AP1B1: variants seen among roughly 807,000 people sequenced by gnomAD.
AP1B1 encodes the protein adaptor related protein complex 1 subunit beta 1, also known as AP-1 complex subunit beta-1.
In AP1B1, 36 loss-of-function variants were observed where a neutral mutation model predicts 104.3. The observed-to-expected ratio is 0.35, with a 90% CI of 0.26 to 0.46. The LOEUF (loss-of-function observed/expected upper bound fraction) is 0.46, where lower values mean the gene tolerates loss of function less well. Ranked by LOEUF, AP1B1 falls within the 20% of genes least tolerant of loss-of-function variation. The pLI, the probability that AP1B1 is intolerant of heterozygous loss-of-function variation, is 1.00. For synonymous variants in AP1B1, 504 were observed against 517.5 expected (o/e 0.97, Z 0.35); for missense variants, 901 against 1,247.9 (o/e 0.72, Z 4.19).
intron 9 of AP1B1, among the ~76,000 whole-genome samples, chr22:29,350,618 G>A (rs918137274): frequency 6.6e-6 from 1 of 152,170 alleles, no homozygotes; most frequent in African/African-American, 2.4e-5. Context: ...GGGTGAGCAC[G>A]CCTCAAGGGG....
At chr22:29,336,111 C>T (rs1244368314) in intron 16 of AP1B1, among the ~76,000 whole-genome samples, 1 of 152,230 alleles carries the variant, frequency 6.6e-6, no homozygotes, top group Non-Finnish European at 1.5e-5. Context: ...AACCAATGAA[C>T]TGTCACCACC....
intron 11 of AP1B1, among the ~76,000 whole-genome samples, chr22:29,346,149 G>A (rs114575095): frequency 1.1e-3 from 172 of 152,308 alleles, no homozygotes; most frequent in African/African-American, 3.9e-3. Flanking sequence ...TCAAGTAACT[G>A]TGCTCCAGGC....
Position 29,354,897 on chromosome 22 carries a change from C to CA in AP1B1, c.717-27dup, listed in dbSNP as rs755540298. ...CTGGGGTCCGTCCATTCCAACGGGG[C>CA]AAACAGGAAAGACAAGGGGAAACAT... On this transcript the variant is annotated intron_variant, in intron 6 of 22. Coordinates refer to ENST00000357586, the MANE Select transcript of AP1B1 (RefSeq NM_001127.4). 4 of 1,592,988 alleles carry CA rather than the reference C, an allele frequency of 2.5e-6. No individual in the cohort carries two copies. The South Asian group carries it at 4.4e-5, about 18-fold the overall frequency.
At chr22:29,351,444 A>T (rs760113928) in intron 8 of AP1B1, 178 bp from the exon 9 acceptor site, 8 of 871,380 alleles carry the variant, frequency 9.2e-6, no homozygotes, top group Middle Eastern at 2.2e-4. Flanking sequence ...AGGCCTGGAC[A>T]ACCTTGTTTG....
chr22:29,351,927 A>G, intron 7 of AP1B1, 102 bp from the exon 8 acceptor site: 1 of 1,449,530 alleles, frequency 6.9e-7, no homozygotes. Flanking sequence ...TCTGAGGTGG[A>G]GCCTGATGTC....
chr22:29,369,686 C>G lies in AP1B1; in HGVS notation c.-27-2416G>C, dbSNP rs5763168. ...TCCTCTTTCATGCCTGGCCCAGGCC[C>G]GGCACATAGCAAGTATTCAATTGAT... On this transcript the variant is annotated intron_variant, in intron 1 of 22. Transcript: ENST00000357586. Among the ~76,000 whole-genome samples the G allele has an allele frequency of 1.7e-3, 260 of 152,140 alleles. 5 individuals carry two copies. In the East Asian group the frequency reaches 0.037, roughly 21 times the overall value.
chr22:29,349,863 G>T (rs2061846809), intron 10 of AP1B1, among the ~76,000 whole-genome samples, 172 bp downstream of exon 10: 1 of 152,144 alleles, frequency 6.6e-6, no homozygotes, highest in South Asian at 2.1e-4. Context: ...ATTTTGGCCT[G>T]GGGAGTAGAG....
intron 1 of AP1B1, among the ~76,000 whole-genome samples, chr22:29,379,981 G>A (rs892872630): frequency 6.6e-6 from 1 of 152,164 alleles, no homozygotes; most frequent in Non-Finnish European, 1.5e-5. Context: ...TGTGAGCCCC[G>A]CTGCCTGGCT....
At chr22:29,332,715 TCAGAGTTTG>T (rs1467642931) in intron 17 of AP1B1, among the ~76,000 whole-genome samples, 1 of 152,118 alleles carries the variant, frequency 6.6e-6, no homozygotes, top group Non-Finnish European at 1.5e-5. Flanking sequence ...CTGCTGAGAA[TCAGAGTTTG>T]GGCTGTCTGA....
At chr22:29,337,167 G>T (rs2061650847) in intron 16 of AP1B1, among the ~76,000 whole-genome samples, 1 of 152,212 alleles carries the variant, frequency 6.6e-6, no homozygotes, top group South Asian at 2.1e-4. Flanking sequence ...TCATATAGGG[G>T]TCTGGAGCAG....
At chr22:29,362,602 C>G (rs1302449232) in intron 3 of AP1B1, among the ~76,000 whole-genome samples, 2 of 152,202 alleles carry the variant, frequency 1.3e-5, no homozygotes, top group Non-Finnish European at 2.9e-5. Flanking sequence ...GCCTGGGCCT[C>G]CCCAAGTGCT....
In AP1B1 at chr22:29,331,471, G is replaced by C; in HGVS notation, c.2502C>G (p.Leu834=). Residue 834 remains leucine, a synonymous_variant, in exon 19 of 23, where the codon CTC becomes CTG. Coordinates refer to ENST00000357586, the MANE Select transcript of AP1B1 (RefSeq NM_001127.4). ...YFSTLYPLHI[L]FVEDGKMDRQ... is the part of the protein sequence containing the mutation. ...CACCCATCTTCCCGTCCTCCACAAAGAGGATGTGCAGTGGGTACAAGGTGC... is the reference window on the plus strand; with the variant it reads ...CACCCATCTTCCCGTCCTCCACAAACAGGATGTGCAGTGGGTACAAGGTGC... 1.2e-6 allele frequency: 2 copies of C among 1,614,206 alleles called. No individual in the cohort carries two copies. Among genetic ancestry groups the C allele is most frequent in the South Asian group, 1.1e-5 (1 of 91,088 alleles).
chr22:29,342,497 G>C (rs893617035), intron 11 of AP1B1, 114 bp from the exon 12 acceptor site: 10 of 830,810 alleles, frequency 1.2e-5, no homozygotes, highest in Non-Finnish European at 1.9e-5. Context: ...GCCAAGCATA[G>C]CTATTCTAGG....
Position 29,359,926 on chromosome 22 carries a change from C to T in AP1B1, c.177G>A (p.Gln59=). ...ALFPDVVNCM[Q]TDNLELKKLV... Reference sequence around the variant, plus strand: ...GCTTCTTCAGCTCCAGGTTGTCCGTCTGCATGCAGTTGACCACATCGGGGA... The same window carrying T: ...GCTTCTTCAGCTCCAGGTTGTCCGTTTGCATGCAGTTGACCACATCGGGGA... The change falls in exon 4 of 23, where the codon CAG becomes CAA. Residue 59 remains glutamine (Q), a synonymous_variant. Coordinates refer to ENST00000357586, the MANE Select transcript of AP1B1 (RefSeq NM_001127.4). The T allele has an allele frequency of 6.2e-7, 1 of 1,614,044 alleles. No individual in the cohort carries two copies. Among genetic ancestry groups the T allele is most frequent in the Non-Finnish European group, 8.5e-7 (1 of 1,179,958 alleles).
intron 11 of AP1B1, among the ~76,000 whole-genome samples, chr22:29,343,069 C>T (rs1053583506): frequency 6.6e-6 from 1 of 152,262 alleles, no homozygotes; most frequent in South Asian, 2.1e-4. Context: ...GTCTTGCTTA[C>T]TGTCGTGTCA....
chr22:29,382,291 C>T (rs2062448717), intron 1 of AP1B1, among the ~76,000 whole-genome samples: 2 of 152,156 alleles, frequency 1.3e-5, no homozygotes, highest in Admixed American at 1.3e-4. Context: ...AAATGATCCT[C>T]CCACCTCAGC....
At chr22:29,329,383 G>C (rs2061523015) in intron 22 of AP1B1, 1 of 1,244,974 alleles carries the variant, frequency 8.0e-7, no homozygotes, top group Non-Finnish European at 1.0e-6. Flanking sequence ...GCCTGAGCTT[G>C]AGATCACAGG....
At chr22:29,375,465 G>A (rs765784814) in intron 1 of AP1B1, among the ~76,000 whole-genome samples, 2 of 151,500 alleles carry the variant, frequency 1.3e-5, no homozygotes, top group Non-Finnish European at 2.9e-5. Context: ...ACGATGCCTG[G>A]CACATTCTAG....
intron 3 of AP1B1, among the ~76,000 whole-genome samples, chr22:29,362,306 TAAGAC>T (rs935954501): frequency 2.0e-5 from 3 of 152,118 alleles, no homozygotes; most frequent in African/African-American, 7.2e-5. Flanking sequence ...TCTGGCCACT[TAAGAC>T]AGGGAGATTT....
Sources: gnomAD v4.1 joint callset for allele counts (sites outside exome capture counted in the v4.1 genomes callset) on GRCh38, gnomAD v4.1.1 for gene constraint, MANE v1.5 for transcripts, NCBI Gene and HGNC (gene_info 2026-07-23, HGNC 2026-07-21) for gene names.